SCML2: variants seen among roughly 807,000 people sequenced by gnomAD.
SCML2 encodes Scm polycomb group protein like 2.
In SCML2, 6 loss-of-function variants were observed where a neutral mutation model predicts 48.4. The ratio of observed to expected loss-of-function variants is 0.12; its 90% CI spans 0.07 to 0.24. The LOEUF is 0.24. Ranked by LOEUF, SCML2 falls within the 10% of genes least tolerant of loss-of-function variation. SCML2 has a pLI of 1.00. For synonymous variants in SCML2, 181 were observed against 189.5 expected, an observed-to-expected ratio of 0.95 and a Z score of 0.37; for missense variants, 377 against 528.2, an observed-to-expected ratio of 0.71 and a Z score of 2.81.
intron 7 of SCML2, among the ~76,000 whole-genome samples, chrX:18,298,682 C>T (rs188469692): frequency 1.8e-5 from 2 of 110,678 alleles, no homozygotes; most frequent in East Asian, 5.7e-4. Flanking sequence ...CATGGGGAAA[C>T]CCCGTCTCTA....
intron 3 of SCML2, among the ~76,000 whole-genome samples, chrX:18,326,182 T>C (rs1249401680): frequency 8.9e-6 from 1 of 112,426 alleles, no homozygotes; most frequent in African/African-American, 3.2e-5. Context: ...CACCATTACA[T>C]ATGTGTGTAT....
chrX:18,326,161 C>T (rs747025546), intron 3 of SCML2, among the ~76,000 whole-genome samples: 2 of 112,389 alleles, frequency 1.8e-5, no homozygotes, highest in South Asian at 7.3e-4. Flanking sequence ...TGTGAGCCAG[C>T]TCCAGTGTAC....
At chrX:18,255,527 C>A (rs1440107815) in intron 11 of SCML2, among the ~76,000 whole-genome samples, 1 of 112,164 alleles carries the variant, frequency 8.9e-6, no homozygotes, top group African/African-American at 3.2e-5. Flanking sequence ...AAGGGACTCA[C>A]TGGACAGCTA....
At chrX:18,305,998 A>G (rs1928744115) in intron 6 of SCML2, among the ~76,000 whole-genome samples, 2 of 111,471 alleles carry the variant, frequency 1.8e-5, no homozygotes, top group Non-Finnish European at 3.8e-5. Context: ...CATCACAGCA[A>G]CCCAGTCACC....
intron 2 of SCML2, among the ~76,000 whole-genome samples, chrX:18,331,181 A>G (rs1322742668): frequency 1.0e-5 from 1 of 96,570 alleles, no homozygotes; most frequent in Non-Finnish European, 2.0e-5. Context: ...AATCACTTGA[A>G]CCCGGGAGGC....
chrX:18,331,978 T>G (rs1353612820), intron 2 of SCML2, among the ~76,000 whole-genome samples: 1 of 112,426 alleles, frequency 8.9e-6, no homozygotes, highest in Non-Finnish European at 1.9e-5. Flanking sequence ...GATGACTTCA[T>G]AGGTGGTGTT....
chrX:18,261,509 T>C (rs1394851842), intron 8 of SCML2, among the ~76,000 whole-genome samples: 1 of 110,217 alleles, frequency 9.1e-6, no homozygotes, highest in Non-Finnish European at 1.9e-5. Flanking sequence ...TGACAACTTG[T>C]ATCCAAATAT....
At chrX:18,311,182 C>G (rs1028258920) in intron 6 of SCML2, among the ~76,000 whole-genome samples, 2 of 111,492 alleles carry the variant, frequency 1.8e-5, no homozygotes, top group Non-Finnish European at 3.8e-5. Flanking sequence ...CTTATTTGAC[C>G]TCACCAATAA....
intron 1 of SCML2, among the ~76,000 whole-genome samples, chrX:18,338,252 T>G (rs1368682247): frequency 9.0e-6 from 1 of 110,532 alleles, no homozygotes; most frequent in African/African-American, 3.3e-5. Context: ...GAGACCAGCC[T>G]GGCCAACATG....
rs764817757 is a variant in SCML2, at chrX:18,240,350, T to A, written c.*901A>T. The stretch of plus-strand genomic sequence containing the variant: ...TATATAAATATGGTAAAGTACCATA[T>A]GAAGAATAAACACATACAATATATA... On this transcript the variant is annotated 3_prime_UTR_variant, in exon 15 of 15. Transcript: ENST00000251900. 23 of 112,703 alleles carry A rather than the reference T, an allele frequency of 2.0e-4. No individual in the cohort carries two copies. Among genetic ancestry groups the A allele is most frequent in the African/African-American group, 7.4e-4 (23 of 31,027 alleles). 9.3% of individuals were successfully genotyped at this position (112,703 alleles called of 1,213,427 possible).
intron 7 of SCML2, among the ~76,000 whole-genome samples, chrX:18,298,568 G>C (rs772174413): frequency 8.9e-6 from 1 of 112,092 alleles, no homozygotes; most frequent in South Asian, 3.7e-4. Flanking sequence ...GTAAAAGAAT[G>C]AAACTAGGCC....
intron 10 of SCML2, 32 bp from the exon 11 acceptor site, chrX:18,257,062 CTCAGAGAGATGAGAAAT>C (rs1926874035): frequency 9.8e-7 from 1 of 1,016,471 alleles, no homozygotes; most frequent in African/African-American, 2.0e-5. Flanking sequence ...TGTCAGTAAC[CTCAGAGAGATGAGAAAT>C]ACAACACTAA....
chrX:18,258,335 C>T (rs1926937975), intron 9 of SCML2, 88 bp from the exon 10 acceptor site: 1 of 618,165 alleles, frequency 1.6e-6, no homozygotes, highest in Admixed American at 3.3e-5. Flanking sequence ...TACTATATCC[C>T]ACTATCCACT....
intron 3 of SCML2, 130 bp from the exon 4 acceptor site, chrX:18,325,107 A>C (rs771212253): frequency 1.0e-4 from 41 of 391,574 alleles, no homozygotes; most frequent in Non-Finnish European, 1.6e-4. Flanking sequence ...AAAACTTCCA[A>C]AAGAGTAGAT....
intron 13 of SCML2, among the ~76,000 whole-genome samples, chrX:18,244,434 C>A (rs1269538079): frequency 9.0e-6 from 1 of 111,534 alleles, no homozygotes; most frequent in Non-Finnish European, 1.9e-5. Flanking sequence ...CAGTTTACTG[C>A]AAATAAACTA....
intron 6 of SCML2, among the ~76,000 whole-genome samples, chrX:18,312,416 T>A (rs1361247034): frequency 9.0e-6 from 1 of 111,597 alleles, no homozygotes; most frequent in Admixed American, 9.6e-5. Context: ...AATCTCTAGA[T>A]TATAAGTAAT....
chrX:18,304,200 C>T lies in SCML2; in HGVS notation c.730+772G>A, dbSNP rs533690841. Among the ~76,000 whole-genome samples, 40 of 111,227 alleles carry T rather than the reference C, an allele frequency of 3.6e-4. No individual in the cohort carries two copies. The South Asian group carries it at 0.015, about 41-fold the overall frequency. On this transcript the variant is annotated intron_variant, in intron 7 of 14. Transcript: ENST00000251900. ...GATTCCAGGCACACGCCACCGCGCCCGGCTAATTGAATCCCACTAAGTTTA... is the reference window on the plus strand; with the variant it reads ...GATTCCAGGCACACGCCACCGCGCCTGGCTAATTGAATCCCACTAAGTTTA...
chrX:18,317,758 C>T (rs918896172), intron 6 of SCML2, among the ~76,000 whole-genome samples: 2 of 99,664 alleles, frequency 2.0e-5, no homozygotes, highest in Non-Finnish European at 3.9e-5. Context: ...GGCGTGAACC[C>T]GGGAGGCGGA....
At chrX:18,347,143 A>G (rs1428037139) in intron 1 of SCML2, among the ~76,000 whole-genome samples, 1 of 112,046 alleles carries the variant, frequency 8.9e-6, no homozygotes, top group East Asian at 2.8e-4. Flanking sequence ...ATTAAGACTA[A>G]TCAATATTAA....
Sources: allele counts gnomAD v4.1 joint callset (sites outside exome capture counted in the v4.1 genomes callset), GRCh38; gene constraint gnomAD v4.1.1; transcripts MANE v1.5; gene names NCBI Gene and HGNC (gene_info 2026-07-23, HGNC 2026-07-21).